TDRD12: variants seen among roughly 807,000 people sequenced by gnomAD.
TDRD12 encodes putative ATP-dependent RNA helicase TDRD12.
In TDRD12, 158 loss-of-function variants were observed where a neutral mutation model predicts 133.5. The observed-to-expected ratio is 1.18, with a 90% CI of 1.04 to 1.35. TDRD12 has a LOEUF of 1.35. Among genes scored for constraint, TDRD12 ranks in the 40% most tolerant of loss-of-function variants. The pLI is 0.00. For missense variants in TDRD12, 1,443 were observed against 1,321.3 expected (o/e 1.09, Z -1.43); for synonymous variants, 460 against 477.9 (o/e 0.96, Z 0.49).
chr19:32,733,528 G>C (rs1969125520), intron 2 of TDRD12, among the ~76,000 whole-genome samples: 1 of 151,990 alleles, frequency 6.6e-6, no homozygotes, highest in Non-Finnish European at 1.5e-5. Flanking sequence ...ATAAAGCTTT[G>C]GGTAGATTTA....
chr19:32,780,921 A>C lies in TDRD12; in HGVS notation c.1121+3692A>C, dbSNP rs1374480784. ...TACTGTCTGCCACCATGCCTGGCTCACTTCCCTAAGTTTTTAATCTATCTT... is the reference window on the plus strand; with the variant it reads ...TACTGTCTGCCACCATGCCTGGCTCCCTTCCCTAAGTTTTTAATCTATCTT... On this transcript the variant is annotated intron_variant, in intron 11 of 27. Transcript: ENST00000444215. Among the ~76,000 whole-genome samples the C allele has an allele frequency of 5.6e-5, 8 of 144,028 alleles. No individual in the cohort carries two copies. The Admixed American group carries it at 5.6e-4, about 10-fold the overall frequency. 94.5% of individuals were successfully genotyped at this position (144,028 alleles called of 152,430 possible).
intron 16 of TDRD12, among the ~76,000 whole-genome samples, chr19:32,799,060 T>G (rs1377146101): frequency 5.9e-5 from 9 of 152,130 alleles, no homozygotes; most frequent in Non-Finnish European, 1.3e-4. Flanking sequence ...CATGCATGCT[T>G]TTTGCACCTG....
In TDRD12 at chr19:32,785,708, T is replaced by C. The variant is rs368386479; in HGVS notation, c.1122-4823T>C. Among the ~76,000 whole-genome samples, 14 of 152,174 alleles carry C rather than the reference T, an allele frequency of 9.2e-5. No individual in the cohort carries two copies. In the South Asian group the frequency reaches 2.5e-3, roughly 27 times the overall value. ...GGCCTTCTTTATGTCTTTTGATCTTTGTTGGTTTAAAGTCTGTTTTAGCAG... is the reference window on the plus strand; with the variant it reads ...GGCCTTCTTTATGTCTTTTGATCTTCGTTGGTTTAAAGTCTGTTTTAGCAG... On this transcript the variant is annotated intron_variant, in intron 11 of 27. Transcript: ENST00000444215.
intron 10 of TDRD12, among the ~76,000 whole-genome samples, chr19:32,776,118 T>A (rs994272707): frequency 2.0e-5 from 3 of 152,198 alleles, no homozygotes; most frequent in Non-Finnish European, 4.4e-5. Context: ...ATGAACCACC[T>A]CTCTTTCTTT....
intron 22 of TDRD12, 42 bp downstream of exon 22, chr19:32,807,690 C>A: frequency 7.4e-7 from 1 of 1,343,554 alleles, no homozygotes; most frequent in South Asian, 1.3e-5. Context: ...GACGAATGGT[C>A]ATGTTAATAA....
intron 11 of TDRD12, among the ~76,000 whole-genome samples, chr19:32,786,472 C>A (rs1055195939): frequency 6.6e-6 from 1 of 152,156 alleles, no homozygotes; most frequent in African/African-American, 2.4e-5. Context: ...GTTGGCCTGC[C>A]TTGCTAGGTT....
intron 26 of TDRD12, 127 bp downstream of exon 26, chr19:32,815,747 G>A: frequency 4.3e-6 from 4 of 927,734 alleles, no homozygotes; most frequent in Non-Finnish European, 4.7e-6. Context: ...TGTAATCCCA[G>A]CACTTTGGGA....
intron 2 of TDRD12, among the ~76,000 whole-genome samples, chr19:32,736,466 G>C (rs1442975145): frequency 6.6e-6 from 1 of 152,204 alleles, no homozygotes. Flanking sequence ...AGATATATGA[G>C]ATGAATGTGG....
chr19:32,750,448 T>C (rs1969790753), intron 6 of TDRD12, among the ~76,000 whole-genome samples: 1 of 152,214 alleles, frequency 6.6e-6, no homozygotes, highest in Non-Finnish European at 1.5e-5. Flanking sequence ...AAATTGTATT[T>C]TGAAATAGAC....
At chr19:32,772,416 C>T (rs1384194803) in intron 8 of TDRD12, among the ~76,000 whole-genome samples, 2 of 152,164 alleles carry the variant, frequency 1.3e-5, no homozygotes, top group African/African-American at 4.8e-5. Context: ...TGGCAGGAGG[C>T]AGAGTCGCAT....
At chr19:32,727,362 A>G (rs1968894264) in intron 1 of TDRD12, among the ~76,000 whole-genome samples, 1 of 152,190 alleles carries the variant, frequency 6.6e-6, no homozygotes. Context: ...TATTCTGGGT[A>G]TTAATCCCTT....
At chr19:32,737,832 C>G (rs993002063) in intron 2 of TDRD12, among the ~76,000 whole-genome samples, 3 of 152,122 alleles carry the variant, frequency 2.0e-5, no homozygotes, top group Admixed American at 6.6e-5. Context: ...ATGTCAGAGG[C>G]CAATAAGAGT....
At chr19:32,721,786 C>T (rs1968686741) in intron 1 of TDRD12, among the ~76,000 whole-genome samples, 1 of 151,464 alleles carries the variant, frequency 6.6e-6, no homozygotes, top group Non-Finnish European at 1.5e-5. Context: ...CAGCTCGCTG[C>T]AAGCTCCGCC....
chr19:32,811,099 A>C, intron 23 of TDRD12, 111 bp from the exon 24 acceptor site: 1 of 841,308 alleles, frequency 1.2e-6, no homozygotes, highest in African/African-American at 1.7e-5. Context: ...TATAGAGTAA[A>C]ATCATGGCGT....
chr19:32,739,998 G>A (rs553140841), intron 3 of TDRD12, among the ~76,000 whole-genome samples: 28 of 91,654 alleles, frequency 3.1e-4, no homozygotes, highest in African/African-American at 3.2e-4. Context: ...TCTCCTGGGT[G>A]CTCTCTGCAT....
At chr19:32,720,149 AC>A in intron 1 of TDRD12, 53 bp downstream of exon 1, 1 of 1,064,906 alleles carries the variant, frequency 9.4e-7, no homozygotes, top group Non-Finnish European at 1.2e-6. Flanking sequence ...CCCCACCCCC[AC>A]CCCAGCCGCG....
At chr19:32,782,016 G>T (rs948756002) in intron 11 of TDRD12, among the ~76,000 whole-genome samples, 3 of 151,600 alleles carry the variant, frequency 2.0e-5, no homozygotes, top group Non-Finnish European at 4.4e-5. Flanking sequence ...TGTGCGGAAT[G>T]TGCAGTTTTG....
chr19:32,780,637 G>A (rs898741782), intron 11 of TDRD12, among the ~76,000 whole-genome samples: 15 of 152,042 alleles, frequency 9.9e-5, no homozygotes, highest in African/African-American at 3.4e-4. Context: ...CTCTCCCCAC[G>A]TCATGATTCT....
intron 11 of TDRD12, among the ~76,000 whole-genome samples, chr19:32,788,153 C>A (rs959909815): frequency 2.7e-5 from 4 of 150,630 alleles, no homozygotes; most frequent in African/African-American, 9.8e-5. Context: ...AATGGAGTCT[C>A]GCTCTTTTGC....
Sources: gnomAD v4.1 joint callset for allele counts (sites outside exome capture counted in the v4.1 genomes callset) on GRCh38, gnomAD v4.1.1 for gene constraint, MANE v1.5 for transcripts, NCBI Gene and HGNC (gene_info 2026-07-23, HGNC 2026-07-21) for gene names.